Variants in NEUROD1 observed in about 807,000 individuals in gnomAD.
The protein encoded by NEUROD1 is neuronal differentiation 1, also known as neurogenic differentiation factor 1.
A neutral mutation model predicts 21.8 loss-of-function variants in NEUROD1; 9 were observed. That is an observed-to-expected ratio of 0.41 (90% CI 0.25 to 0.72). The LOEUF (loss-of-function observed/expected upper bound fraction) is 0.72. Ranked by LOEUF, NEUROD1 falls within the 30% of genes least tolerant of loss-of-function variation. The pLI, the probability that NEUROD1 is intolerant of heterozygous loss-of-function variation, is 0.31. For missense variants in NEUROD1, 434 were observed against 468.8 expected, an observed-to-expected ratio of 0.93 and a Z score of 0.69; for synonymous variants, 199 against 186.2, an observed-to-expected ratio of 1.07 and a Z score of -0.56.
chr2:181,678,042 G>C lies in NEUROD1; in HGVS notation c.819C>G (p.Leu273=). The C allele has an allele frequency of 6.2e-7, 1 of 1,614,230 alleles. No individual in the cohort carries two copies. The highest frequency in any genetic ancestry group is 8.5e-7 in the Non-Finnish European group (1 of 1,180,042). The part of the protein sequence containing the change: ...DCTSPSFDGP[L]SPPLSINGNF... ...TGCCATTGATGCTGAGCGGCGGGCTGAGGGGTCCATCAAAGGAAGGGCTGG... is the reference window on the plus strand; with the variant it reads ...TGCCATTGATGCTGAGCGGCGGGCTCAGGGGTCCATCAAAGGAAGGGCTGG... Residue 273 remains leucine, a synonymous_variant, in exon 2 of 2, where the codon CTC becomes CTG. Coordinates refer to ENST00000295108, the MANE Select transcript of NEUROD1 (RefSeq NM_002500.5). This position sits in a 1 kb window ranked among gnomAD's most constrained non-coding sequence, Gnocchi z 5.5.
Position 181,677,898 on chromosome 2 carries a change from G to T in NEUROD1, c.963C>A (p.Thr321=), listed in dbSNP as rs780896354. Residue 321 remains threonine, a synonymous_variant, in exon 2 of 2, where the codon ACC becomes ACA. Transcript: ENST00000295108. ...AQSHGSIFSG[T]AAPRCEIPID... is the part of the protein sequence containing the mutation. ...TGGGGATCTCGCAGCGAGGGGCAGC[G>T]GTGCCTGAGAAGATTGATCCGTGGC... The T allele has an allele frequency of 3.7e-6, 6 of 1,614,208 alleles. No homozygotes were observed. The highest frequency in any genetic ancestry group is 5.1e-6 in the Non-Finnish European group (6 of 1,180,034).
At chr2:181,676,373 A>T (rs1484973170), downstream of NEUROD1, 1 of 152,604 alleles carries the variant, frequency 6.6e-6, no homozygotes, top group East Asian at 1.9e-4. Flanking sequence ...TATTCTACAT[A>T]TAGTGTTTAG....
At chr2:181,679,232 G>GT (rs1688654810) in intron 1 of NEUROD1, among the ~76,000 whole-genome samples, 1 of 149,956 alleles carries the variant, frequency 6.7e-6, no homozygotes, top group South Asian at 2.1e-4. Context: ...GCGACTTCAT[G>GT]TTTATCCAAA....
At chr2:181,669,097 C>T (rs989590571), downstream of NEUROD1, among the ~76,000 whole-genome samples, 1 of 152,146 alleles carries the variant, frequency 6.6e-6, no homozygotes, top group Non-Finnish European at 1.5e-5. Context: ...CTACCCTCCA[C>T]TCTACCCAAC....
Position 181,678,189 on chromosome 2 carries a change from A to G in NEUROD1, c.672T>C (p.Pro224=). The G allele has an allele frequency of 6.2e-7, 1 of 1,614,180 alleles. No homozygotes were observed. Among genetic ancestry groups the G allele is most frequent in the South Asian group, 1.1e-5 (1 of 91,084 alleles). ...FPVHPYSYQS[P]GLPSPPYGTM... ...TACCGTAAGGCGGACTGGGCAGCCC[A>G]GGCGACTGGTAGGAGTAGGGGTGTA... is the stretch of plus-strand genomic sequence containing the variant. Residue 224 remains proline (P), a synonymous_variant, in exon 2 of 2, where the codon CCT becomes CCC. Transcript: ENST00000295108. The surrounding 1 kb of genome is among the most constrained non-coding windows in gnomAD (Gnocchi z 5.5).
rs1027630574 is a variant in NEUROD1, at chr2:181,677,146, T to A, written c.*644A>T. 3.0e-5 allele frequency: 4 copies of A among 131,830 alleles called. No individual in the cohort carries two copies. The highest frequency in any genetic ancestry group is 2.5e-4 in the South Asian group (1 of 4,016). The allele number at this position is 131,830 out of a possible 1,614,324, so 8.2% of individuals were successfully genotyped here. On this transcript the variant is annotated 3_prime_UTR_variant, in exon 2 of 2. Coordinates refer to ENST00000295108, the MANE Select transcript of NEUROD1 (RefSeq NM_002500.5). ...TTTTTTTTTTTTTTTTTTTTTTTTT[T>A]ACAATTGGAGAGGAAAGAAGTGCTA...
rs146389992 is a variant in NEUROD1 at position 181,677,830 on chromosome 2, C to T, written c.1031G>A (p.Arg344Gln). The change falls in exon 2 of 2, where the codon CGA becomes CAA. Residue 344 changes from arginine (R) to glutamine (Q), a missense_variant. By Grantham distance (43) the Arg-to-Gln change is conservative (BLOSUM62 1). Coordinates refer to ENST00000295108, the MANE Select transcript of NEUROD1 (RefSeq NM_002500.5). ...GGCATTGAGCTGGGCACTCATGACT[C>T]GCTCATGATGTGAATGGCTATCGAA... ...MSFDSHSHHE[R>Q]VMSAQLNAIF... 58 of 1,613,950 alleles carry T rather than the reference C, an allele frequency of 3.6e-5. No homozygotes were observed. The African/African-American group carries it at 7.3e-4, about 20-fold the overall frequency.
At chr2:181,669,213 CT>C (rs1688463229), downstream of NEUROD1, among the ~76,000 whole-genome samples, 1 of 152,150 alleles carries the variant, frequency 6.6e-6, no homozygotes, top group African/African-American at 2.4e-5. Context: ...TCAGGCAATT[CT>C]TGTGTGTGAC....
At chr2:181,675,228 G>A (rs987250311), downstream of NEUROD1, among the ~76,000 whole-genome samples, 35 of 152,224 alleles carry the variant, frequency 2.3e-4, no homozygotes, top group Admixed American at 2.3e-3. Context: ...TTTCTGTCAT[G>A]TGATGAAGGC....
intron 1 of NEUROD1, among the ~76,000 whole-genome samples, chr2:181,680,020 C>T (rs372176084): frequency 1.3e-5 from 2 of 152,202 alleles, no homozygotes; most frequent in South Asian, 4.1e-4. Flanking sequence ...CACAGCTTGA[C>T]ACTCCCAATG....
chr2:181,679,845 T>G (rs550176560), intron 1 of NEUROD1, among the ~76,000 whole-genome samples: 142 of 152,362 alleles, frequency 9.3e-4, no homozygotes, highest in Admixed American at 3.1e-3. Flanking sequence ...GCTCCAGTAG[T>G]GGCTGCTGGG....
Position 181,678,683 on chromosome 2 carries a change from C to T in NEUROD1, c.178G>A (p.Glu60Lys). 3.7e-6 allele frequency: 6 copies of T among 1,611,728 alleles called. No individual in the cohort carries two copies. Among genetic ancestry groups the T allele is most frequent in the Non-Finnish European group, 5.1e-6 (6 of 1,178,784 alleles). The change falls in exon 2 of 2, where the codon GAG (glutamate) becomes AAG (lysine). Residue 60 changes from glutamate to lysine, a missense_variant. By Grantham distance (56) the Glu-to-Lys change is moderately conservative. Transcript: ENST00000295108. This position sits in a 1 kb window ranked among gnomAD's most constrained non-coding sequence, Gnocchi z 5.5. Reference protein sequence around the residue: ...EDSLRNGGEEEDEDEDLEEEE... With the variant: ...EDSLRNGGEEKDEDEDLEEEE... ...TCTTCCAGGTCCTCATCTTCGTCCT[C>T]CTCCTCTCCCCCGTTCCTCAGTGAG...
rs1304473964 is a variant in NEUROD1, at chr2:181,678,508, T to C, written c.353A>G (p.Asn118Ser). ...CTTGCGCAGGTTGTCTAGCGCCGCG[T>C]TCAGTCCGTGCATGCGGTTCCGCTC... ...ARERNRMHGL[N>S]AALDNLRKVV... The change falls in exon 2 of 2, where the codon AAC (asparagine) becomes AGC (serine). Residue 118 changes from asparagine (N) to serine (S), a missense_variant. By Grantham distance (46) the Asn-to-Ser change is conservative. Transcript: ENST00000295108. This position sits in a 1 kb window ranked among gnomAD's most constrained non-coding sequence, Gnocchi z 5.5. 6.2e-7 allele frequency: 1 copy of C among 1,614,224 alleles called. No homozygotes were observed. Among genetic ancestry groups the C allele is most frequent in the Non-Finnish European group, 8.5e-7 (1 of 1,180,044 alleles).
At position 181,677,912 on chromosome 2, in the gene NEUROD1, T is replaced by G. The variant is rs774842965; in HGVS notation, c.949A>C (p.Ile317Leu). ...CGAGGGGCAGCGGTGCCTGAGAAGA[T>G]TGATCCGTGGCTTTGGGCCCCTGCC... The part of the protein sequence containing the change: ...TLAGAQSHGS[I>L]FSGTAAPRCE... Residue 317 changes from isoleucine (I) to leucine (L), a missense_variant, in exon 2 of 2, where the codon ATC (isoleucine) becomes CTC (leucine). Physicochemically the swap from Ile to Leu is conservative, Grantham distance 5 (BLOSUM62 2). Transcript: ENST00000295108. 2 of 1,614,092 alleles carry G rather than the reference T, an allele frequency of 1.2e-6. No homozygotes were observed. The highest frequency in any genetic ancestry group is 1.3e-5 in the African/African-American group (1 of 74,922).
At chr2:181,671,025 GCA>G (rs71004600) in exon 2 of NEUROD1, among the ~76,000 whole-genome samples, 38,658 of 146,306 alleles carry the variant, frequency 0.26, 5,889 homozygotes, top group Middle Eastern at 0.38. Context: ...GCATATGTGT[GCA>G]CACACACACA....
chr2:181,675,648 C>T (rs1197572183), downstream of NEUROD1, among the ~76,000 whole-genome samples: 1 of 135,526 alleles, frequency 7.4e-6, no homozygotes, highest in Non-Finnish European at 1.5e-5. Flanking sequence ...AAATGCCAAA[C>T]TGTTTTTTTT....
In NEUROD1 at chr2:181,678,696, G is replaced by T; in HGVS notation, c.165C>A (p.Asn55Lys). ...CATCTTCGTCCTCCTCCTCTCCCCC[G>T]TTCCTCAGTGAGTCCTCCTCTGCGT... ...TMNAEEDSLR[N>K]GGEEEDEDED... is the part of the protein sequence containing the mutation. Residue 55 changes from asparagine to lysine, a missense_variant, in exon 2 of 2, where the codon AAC becomes AAA. By Grantham distance (94) the Asn-to-Lys change is moderately conservative. Coordinates refer to ENST00000295108, the MANE Select transcript of NEUROD1 (RefSeq NM_002500.5). The surrounding 1 kb of genome is among the most constrained non-coding windows in gnomAD (Gnocchi z 5.5). 2 of 1,611,042 alleles carry T rather than the reference G, an allele frequency of 1.2e-6. No individual in the cohort carries two copies. The highest frequency in any genetic ancestry group is 1.7e-6 in the Non-Finnish European group (2 of 1,178,490).
In NEUROD1 at chr2:181,678,794, T is replaced by A. The variant is rs759618264; in HGVS notation, c.67A>T (p.Thr23Ser). ...EPQPQGPPSW[T>S]DECLSSQDEE... ...TCCTGAGAACTGAGACACTCGTCTG[T>A]CCAGCTTGGAGGACCTTGGGGCTGA... is the stretch of plus-strand genomic sequence containing the variant. Residue 23 changes from threonine to serine, a missense_variant, in exon 2 of 2, where the codon ACA (threonine) becomes TCA (serine). Transcript: ENST00000295108. The surrounding 1 kb of genome is among the most constrained non-coding windows in gnomAD (Gnocchi z 5.5). 1.9e-6 allele frequency: 3 copies of A among 1,614,096 alleles called. No individual in the cohort carries two copies. In the Admixed American group the frequency reaches 5.0e-5, roughly 27 times the overall value.
downstream of NEUROD1, among the ~76,000 whole-genome samples, chr2:181,670,270 C>T (rs1472240179): frequency 3.3e-5 from 5 of 152,152 alleles, no homozygotes; most frequent in South Asian, 2.1e-4. Flanking sequence ...CCCATTCACA[C>T]TTCACTAAAT....
Sources: allele counts gnomAD v4.1 joint callset (sites outside exome capture counted in the v4.1 genomes callset), GRCh38; gene constraint gnomAD v4.1.1; non-coding constraint Gnocchi (gnomAD v3.1); transcripts MANE v1.5; gene names NCBI Gene and HGNC (gene_info 2026-07-23, HGNC 2026-07-21).